The following FRMPD2 variants were observed in gnomAD, a reference collection of about 807,000 sequenced individuals.
FRMPD2 encodes FERM and PDZ domain containing 2.
Under a neutral mutation model 140.1 loss-of-function variants are expected in FRMPD2, and 96 were observed. The ratio of observed to expected loss-of-function variants is 0.69; its 90% confidence interval spans 0.58 to 0.81. The LOEUF (loss-of-function observed/expected upper bound fraction) is 0.81, where lower values mean the gene tolerates loss of function less well. Among genes scored for constraint, FRMPD2 ranks in the 40% least tolerant of loss-of-function variants. The pLI, the probability that FRMPD2 is intolerant of heterozygous loss-of-function variation, is 0.00. For synonymous variants in FRMPD2, 449 were observed against 547.6 expected, an observed-to-expected ratio of 0.82 and a Z score of 2.52; for missense variants, 1,240 against 1,447.4, an observed-to-expected ratio of 0.86 and a Z score of 2.32.
intron 9 of FRMPD2, among the ~76,000 whole-genome samples, chr10:48,235,351 G>C (rs530126559): frequency 3.9e-5 from 6 of 152,210 alleles, no homozygotes. Flanking sequence ...TCATTGCATA[G>C]GAATTGGAGG....
Position 48,239,696 on chromosome 10 carries a change from A to G in FRMPD2, c.701-4T>C. 1 of 1,611,838 alleles carries G rather than the reference A, an allele frequency of 6.2e-7. No individual in the cohort carries two copies. Among genetic ancestry groups the G allele is most frequent in the Non-Finnish European group, 8.5e-7 (1 of 1,178,188 alleles). On this transcript the variant is annotated splice_region_variant and splice_polypyrimidine_tract_variant and intron_variant, in intron 6 of 28. Coordinates refer to ENST00000374201, the MANE Select transcript of FRMPD2 (RefSeq NM_001018071.4). Reference sequence around the variant, plus strand: ...GTCTCCGTGCTTCTTTCTGAAACTAATCAAGCAGCATGGTAGAGGGTATGG... The same window carrying G: ...GTCTCCGTGCTTCTTTCTGAAACTAGTCAAGCAGCATGGTAGAGGGTATGG...
intron 13 of FRMPD2, among the ~76,000 whole-genome samples, chr10:48,208,946 G>A (rs1209236065): frequency 6.6e-6 from 1 of 152,194 alleles, no homozygotes; most frequent in Non-Finnish European, 1.5e-5. Context: ...AAGGGGTTCA[G>A]AATTCATCTT....
chr10:48,233,161 T>C (rs150503643), intron 9 of FRMPD2, among the ~76,000 whole-genome samples: 24 of 152,314 alleles, frequency 1.6e-4, no homozygotes, highest in African/African-American at 5.3e-4. Flanking sequence ...ATATGTGGCC[T>C]TAGTGCCATC....
intron 28 of FRMPD2, among the ~76,000 whole-genome samples, chr10:48,160,014 A>T (rs1281763257): frequency 2.1e-4 from 31 of 150,208 alleles, no homozygotes; most frequent in African/African-American, 6.4e-4. Flanking sequence ...ACAAAAAGTG[A>T]TTTGCTCCCA....
intron 9 of FRMPD2, among the ~76,000 whole-genome samples, chr10:48,232,645 T>G (rs1401028153): frequency 6.6e-6 from 1 of 152,088 alleles, no homozygotes; most frequent in South Asian, 2.1e-4. Flanking sequence ...CCCAGGGCCC[T>G]CATCAATGAA....
At chr10:48,200,335 G>A (rs761456687) in intron 15 of FRMPD2, among the ~76,000 whole-genome samples, 5 of 152,012 alleles carry the variant, frequency 3.3e-5, no homozygotes, top group Non-Finnish European at 7.4e-5. Context: ...CTGCCTCCTC[G>A]AATCAGGGCT....
intron 8 of FRMPD2, 24 bp downstream of exon 8, chr10:48,237,967 G>A: frequency 3.1e-6 from 5 of 1,614,004 alleles, no homozygotes; most frequent in Non-Finnish European, 4.2e-6. Flanking sequence ...CTTGAGGAGT[G>A]TCCTTCAGCC....
intron 28 of FRMPD2, among the ~76,000 whole-genome samples, chr10:48,157,937 C>T (rs1267271164): frequency 1.2e-4 from 17 of 145,806 alleles, no homozygotes; most frequent in African/African-American, 4.1e-4. Context: ...AGCAGCACCC[C>T]CTTCCCTCCG....
chr10:48,252,160 G>A (rs1485924211), intron 1 of FRMPD2, among the ~76,000 whole-genome samples: 3 of 151,988 alleles, frequency 2.0e-5, no homozygotes, highest in Admixed American at 2.0e-4. Context: ...GTCAGATTTG[G>A]TGCCAGTACC....
At chr10:48,185,088 A>C (rs191284800) in intron 18 of FRMPD2, among the ~76,000 whole-genome samples, 1 of 152,358 alleles carries the variant, frequency 6.6e-6, no homozygotes, top group African/African-American at 2.4e-5. Flanking sequence ...TAGTAAGCAC[A>C]GCTAAAGCTA....
At chr10:48,188,641 A>G (rs1838750763) in intron 16 of FRMPD2, among the ~76,000 whole-genome samples, 1 of 152,186 alleles carries the variant, frequency 6.6e-6, no homozygotes, top group South Asian at 2.1e-4. Context: ...AGGCTGCGAC[A>G]GGGCGCTCGT....
intron 14 of FRMPD2, 58 bp from the exon 15 acceptor site, chr10:48,201,442 C>T: frequency 6.5e-7 from 1 of 1,531,154 alleles, no homozygotes; most frequent in African/African-American, 1.4e-5. Flanking sequence ...TCCACTGACG[C>T]ACAACTGCAA....
In FRMPD2 at chr10:48,222,309, C is replaced by T. The variant is rs376612872; in HGVS notation, c.1455+4G>A. ...ACACAAAGGCCCCTGGTGTTCACCC[C>T]TACCTCCTTAGGGTAATTGCCAAAC... is the stretch of plus-strand genomic sequence containing the variant. On this transcript the variant is annotated splice_donor_region_variant and intron_variant, in intron 12 of 28. Coordinates refer to ENST00000374201, the MANE Select transcript of FRMPD2 (RefSeq NM_001018071.4). 331 of 1,613,568 alleles carry T rather than the reference C, an allele frequency of 2.1e-4. No individual in the cohort carries two copies. The African/African-American group carries it at 4.1e-3, about 20-fold the overall frequency.
chr10:48,191,866 A>T (rs1433293794), intron 16 of FRMPD2, among the ~76,000 whole-genome samples: 1 of 152,174 alleles, frequency 6.6e-6, no homozygotes, highest in Non-Finnish European at 1.5e-5. Flanking sequence ...ATGATAAGAA[A>T]CTCATCAATA....
chr10:48,242,046 A>G (rs1840126298), intron 5 of FRMPD2, 115 bp downstream of exon 5: 1 of 735,280 alleles, frequency 1.4e-6, no homozygotes. Flanking sequence ...GACAGATGTG[A>G]CTGATTAATT....
intron 3 of FRMPD2, among the ~76,000 whole-genome samples, chr10:48,247,778 G>T (rs1404046699): frequency 6.6e-6 from 1 of 152,170 alleles, no homozygotes; most frequent in African/African-American, 2.4e-5. Flanking sequence ...TGAGTCCAGG[G>T]CATAAGAGGC....
chr10:48,163,878 T>G (rs1838022619), intron 27 of FRMPD2, among the ~76,000 whole-genome samples: 1 of 151,142 alleles, frequency 6.6e-6, no homozygotes, highest in African/African-American at 2.5e-5. Context: ...CTTTGGAAGC[T>G]CTCCATAAAT....
intron 9 of FRMPD2, among the ~76,000 whole-genome samples, chr10:48,234,129 C>A (rs1564434054): frequency 6.6e-6 from 1 of 152,336 alleles, no homozygotes; most frequent in East Asian, 1.9e-4. Flanking sequence ...TGGGCTTTTT[C>A]ACCCTGCGTG....
chr10:48,183,351 TG>T (rs554610374), intron 20 of FRMPD2, among the ~76,000 whole-genome samples: 132 of 152,236 alleles, frequency 8.7e-4, no homozygotes, highest in African/African-American at 3.1e-3. Context: ...GGAGAAGGGA[TG>T]TTAGCCTACT....
Sources: allele counts gnomAD v4.1 joint callset (sites outside exome capture counted in the v4.1 genomes callset), GRCh38; gene constraint gnomAD v4.1.1; transcripts MANE v1.5; gene names NCBI Gene and HGNC (gene_info 2026-07-23, HGNC 2026-07-21).